Variants in RBFOX3 observed in about 807,000 individuals in gnomAD.
RBFOX3 encodes the protein RNA binding fox-1 homolog 3.
A neutral mutation model predicts 48.7 loss-of-function variants in RBFOX3; 17 were observed. That is an observed-to-expected ratio of 0.35 (90% CI 0.24 to 0.52). The LOEUF is 0.52. Ranked by LOEUF, RBFOX3 falls within the 20% of genes least tolerant of loss-of-function variation. The pLI, the probability that RBFOX3 is intolerant of heterozygous loss-of-function variation, is 0.94. For missense variants in RBFOX3, 382 were observed against 497.5 expected, an observed-to-expected ratio of 0.77 and a Z score of 2.21; for synonymous variants, 212 against 209.5, an observed-to-expected ratio of 1.01 and a Z score of -0.10.
intron 4 of RBFOX3, among the ~76,000 whole-genome samples, chr17:79,182,503 T>C (rs755952153): frequency 2.7e-4 from 41 of 152,068 alleles, no homozygotes; most frequent in Non-Finnish European, 5.1e-4. Context: ...TAATTCCGCA[T>C]TGGGTGGCAG....
At chr17:79,241,530 G>A (rs2062374391) in intron 3 of RBFOX3, among the ~76,000 whole-genome samples, 1 of 152,108 alleles carries the variant, frequency 6.6e-6, no homozygotes, top group Admixed American at 6.5e-5. Flanking sequence ...ATGTTGACGT[G>A]GAAGGTGCTG....
chr17:79,330,495 C>T (rs1169292787), intron 2 of RBFOX3, among the ~76,000 whole-genome samples: 7 of 152,076 alleles, frequency 4.6e-5, no homozygotes, highest in Non-Finnish European at 8.8e-5. Flanking sequence ...TGGGTCATTC[C>T]TGCAGATGCT....
chr17:79,461,891 C>A (rs1254938212), intron 2 of RBFOX3, among the ~76,000 whole-genome samples: 1 of 152,140 alleles, frequency 6.6e-6, no homozygotes, highest in Non-Finnish European at 1.5e-5. Flanking sequence ...GCCAGCAACC[C>A]CCAGAAGGTG....
chr17:79,256,423 A>G (rs2064861485), intron 3 of RBFOX3, among the ~76,000 whole-genome samples: 3 of 152,226 alleles, frequency 2.0e-5, no homozygotes, highest in Non-Finnish European at 4.4e-5. Flanking sequence ...GCACCACGCC[A>G]CTCACTAAAA....
At chr17:79,280,330 G>A (rs1330434736) in intron 3 of RBFOX3, among the ~76,000 whole-genome samples, 2 of 152,096 alleles carry the variant, frequency 1.3e-5, no homozygotes, top group Admixed American at 1.3e-4. Flanking sequence ...CACCCTCTGA[G>A]GAAACCATCA....
the RBFOX3 span, among the ~76,000 whole-genome samples, chr17:79,620,543 A>G: frequency 9.4e-5 from 14 of 149,696 alleles, 1 homozygote; most frequent in African/African-American, 3.0e-4. Context: ...ACATGCACAC[A>G]CGCATGCACA....
At chr17:79,152,018 T>A (rs73397976) in intron 4 of RBFOX3, among the ~76,000 whole-genome samples, 8 of 95,916 alleles carry the variant, frequency 8.3e-5, no homozygotes, top group Admixed American at 3.1e-4. Flanking sequence ...GGGAGAACGC[T>A]AAGAAATGGG....
chr17:79,215,725 C>T (rs1567856308), intron 4 of RBFOX3, among the ~76,000 whole-genome samples: 1 of 152,386 alleles, frequency 6.6e-6, no homozygotes, highest in East Asian at 1.9e-4. Context: ...GAGCGTATCC[C>T]CCAGGCTTGG....
In RBFOX3 at chr17:79,582,782, C is replaced by CAAAA. The variant is rs36155299; in HGVS notation, c.-320+28040_-320+28043dup. On this transcript the variant is annotated intron_variant, in intron 1 of 14. Transcript: ENST00000693108. ...TGGGAGACAGAGCAAGACCCCGTCT[C>CAAAA]AAAAAAAAAAAAAAAAAAAAAAAAA... Among the ~76,000 whole-genome samples, 43 of 46,892 alleles carry CAAAA rather than the reference C, an allele frequency of 9.2e-4. 1 individual carries two copies. Among genetic ancestry groups the CAAAA allele is most frequent in the Admixed American group, 1.5e-3 (5 of 3,316 alleles). 30.8% of individuals were successfully genotyped at this position (46,892 alleles called of 152,430 possible). A position where few individuals can be genotyped will look rare whatever the true frequency, so the allele number is the denominator to read the frequency against.
At chr17:79,567,146 G>A (rs1787836182) in intron 1 of RBFOX3, among the ~76,000 whole-genome samples, 1 of 149,256 alleles carries the variant, frequency 6.7e-6, no homozygotes, top group Non-Finnish European at 1.5e-5. Context: ...ACGTATGAGT[G>A]AGAACATGTG....
chr17:79,112,559 G>C (rs2032150935), intron 5 of RBFOX3, among the ~76,000 whole-genome samples: 1 of 152,132 alleles, frequency 6.6e-6, no homozygotes. Context: ...TGGGCTGCAG[G>C]GGCCACTGCT....
intron 4 of RBFOX3, among the ~76,000 whole-genome samples, chr17:79,218,478 C>A (rs964886257): frequency 6.6e-6 from 1 of 152,142 alleles, no homozygotes; most frequent in African/African-American, 2.4e-5. Context: ...AGCACTGGCC[C>A]GGCCCCCAGG....
chr17:79,566,154 G>A (rs947586340), intron 1 of RBFOX3, among the ~76,000 whole-genome samples: 4 of 152,056 alleles, frequency 2.6e-5, no homozygotes, highest in Non-Finnish European at 5.9e-5. Flanking sequence ...GGTGCTGATA[G>A]AGCCCTATGG....
chr17:79,401,780 A>G (rs536720705), intron 2 of RBFOX3, among the ~76,000 whole-genome samples: 1 of 152,230 alleles, frequency 6.6e-6, no homozygotes, highest in South Asian at 2.1e-4. Context: ...ACCCACTCAG[A>G]TATCATTGTG....
rs372250322 is a variant in RBFOX3, at chr17:79,115,602, C to T, written c.114G>A (p.Pro38=). The change falls in exon 5 of 15, where the codon CCG becomes CCA. Residue 38 remains proline, a synonymous_variant. Transcript: ENST00000693108. ...GGGTCATGCCATGCTCTGTGGGGAC[C>T]GGGGTCTGGCCGGAGTAGTCCTGCG... is the stretch of plus-strand genomic sequence containing the variant. ...HPTQDYSGQT[P]VPTEHGMTLY... is the part of the protein sequence containing the mutation. 1.1e-4 allele frequency: 140 copies of T among 1,219,330 alleles called. No homozygotes were observed. Among genetic ancestry groups the T allele is most frequent in the East Asian group, 9.7e-4 (17 of 17,570 alleles). The allele number at this position is 1,219,330 out of a possible 1,614,324, so 75.5% of individuals were successfully genotyped here.
intron 2 of RBFOX3, among the ~76,000 whole-genome samples, chr17:79,445,794 G>A (rs571243824): frequency 1.1e-4 from 16 of 152,298 alleles, no homozygotes; most frequent in South Asian, 2.1e-4. Flanking sequence ...TGATTCAGCC[G>A]GGGTTTGCAG....
intron 4 of RBFOX3, among the ~76,000 whole-genome samples, chr17:79,152,717 C>G (rs566962643): frequency 2.6e-4 from 39 of 152,320 alleles, no homozygotes; most frequent in African/African-American, 8.9e-4. Context: ...GCAGACACAG[C>G]TGTGGGGGGC....
intron 2 of RBFOX3, among the ~76,000 whole-genome samples, chr17:79,377,313 G>A (rs569955118): frequency 5.9e-5 from 9 of 152,164 alleles, no homozygotes; most frequent in African/African-American, 2.2e-4. Flanking sequence ...GCATGGACAC[G>A]TGCACACGGA....
the RBFOX3 span, among the ~76,000 whole-genome samples, chr17:79,664,647 C>G: frequency 2.0e-5 from 3 of 152,340 alleles, no homozygotes; most frequent in Non-Finnish European, 4.4e-5. Flanking sequence ...CGCGCCCGGC[C>G]TACTCTCACC....
Sources: allele counts gnomAD v4.1 joint callset (sites outside exome capture counted in the v4.1 genomes callset), GRCh38; gene constraint gnomAD v4.1.1; transcripts MANE v1.5; gene names NCBI Gene and HGNC (gene_info 2026-07-23, HGNC 2026-07-21).